Variants in SLC17A1 observed in about 807,000 individuals in gnomAD.
SLC17A1 encodes sodium-dependent phosphate transport protein 1.
In SLC17A1, 51 loss-of-function variants were observed where a neutral mutation model predicts 53.5. That is an observed-to-expected ratio of 0.95 (90% CI 0.76 to 1.20). The LOEUF is 1.20. Ranked by LOEUF, SLC17A1 falls within the 50% of genes most tolerant of loss-of-function variation. The pLI is 0.00. For missense variants in SLC17A1, 538 were observed against 568.2 expected, an observed-to-expected ratio of 0.95 and a Z score of 0.54; for synonymous variants, 179 against 198.8, an observed-to-expected ratio of 0.90 and a Z score of 0.84.
chr6:25,727,204 C>T, the SLC17A1 span: 4 of 1,614,160 alleles, frequency 2.5e-6, no homozygotes, highest in African/African-American at 2.7e-5. Flanking sequence ...ATTCAGACAG[C>T]AGTGCGCTTG....
chr6:25,809,656 TAGGA>T (rs1764082297), intron 10 of SLC17A1, among the ~76,000 whole-genome samples: 1 of 151,726 alleles, frequency 6.6e-6, no homozygotes, highest in African/African-American at 2.4e-5. Context: ...TGCTTATGGA[TAGGA>T]AGAATTAATG....
At chr6:25,773,843 A>T in the SLC17A1 span, among the ~76,000 whole-genome samples, 3 of 152,290 alleles carry the variant, frequency 2.0e-5, no homozygotes, top group Admixed American at 2.0e-4. Flanking sequence ...ATTGATCTCA[A>T]TGTGGTTCAC....
At chr6:25,757,092 T>A in the SLC17A1 span, among the ~76,000 whole-genome samples, 2 of 152,208 alleles carry the variant, frequency 1.3e-5, no homozygotes, top group Admixed American at 6.5e-5. Flanking sequence ...CAATTTTGAG[T>A]GTGTTTTCGA....
the SLC17A1 span, chr6:25,727,174 C>A: frequency 1.3e-5 from 21 of 1,614,044 alleles, no homozygotes; most frequent in Non-Finnish European, 1.8e-5. Context: ...AGCAAGCGCT[C>A]CACCATTTCT....
chr6:25,728,248 C>T, the SLC17A1 span, among the ~76,000 whole-genome samples: 1 of 152,136 alleles, frequency 6.6e-6, no homozygotes, highest in East Asian at 1.9e-4. Flanking sequence ...GGAGAACTCA[C>T]AAATCTGGTT....
intron 3 of SLC17A1, among the ~76,000 whole-genome samples, chr6:25,820,176 C>T (rs1433086885): frequency 1.3e-5 from 2 of 152,214 alleles, no homozygotes; most frequent in East Asian, 3.9e-4. Context: ...ACAGCATAGA[C>T]ATTTAATGCT....
rs1350210019 is a variant in SLC17A1, at chr6:25,811,769, T to C, written c.899A>G (p.Asn300Ser). ...ATAGGGAAGGGAAGACAAGAACCCA[T>C]TCTGAAGAGGAAACATTATTCTTGG... ...NSMLHVNIKE[N>S]GFLSSLPYLF... The change falls in exon 9 of 13, where the codon AAT becomes AGT. Residue 300 changes from asparagine (N) to serine (S), a missense_variant and splice_region_variant. Transcript: ENST00000244527. 3 of 1,613,496 alleles carry C rather than the reference T, an allele frequency of 1.9e-6. No homozygotes were observed. The highest frequency in any genetic ancestry group is 1.3e-5 in the African/African-American group (1 of 74,874).
the SLC17A1 span, among the ~76,000 whole-genome samples, chr6:25,745,514 T>A: frequency 6.6e-6 from 1 of 152,034 alleles, no homozygotes; most frequent in Non-Finnish European, 1.5e-5. Flanking sequence ...TAACATTTAC[T>A]TGGTCTTTGG....
At chr6:25,762,542 A>G in the SLC17A1 span, among the ~76,000 whole-genome samples, 6 of 152,136 alleles carry the variant, frequency 3.9e-5, no homozygotes, top group African/African-American at 1.2e-4. Context: ...AGAACATCTT[A>G]TTTTACCCTA....
the SLC17A1 span, chr6:25,773,791 G>C: frequency 9.9e-7 from 1 of 1,011,560 alleles, no homozygotes; most frequent in African/African-American, 1.6e-5. Flanking sequence ...GACCAGGCAG[G>C]ACCTCCATAT....
At chr6:25,777,844 T>C in the SLC17A1 span, 1 of 1,127,414 alleles carries the variant, frequency 8.9e-7, no homozygotes, top group South Asian at 1.3e-5. Context: ...TGCACAGGAA[T>C]ATTTGCCTCC....
intron 7 of SLC17A1, 45 bp downstream of exon 7, chr6:25,813,050 T>C (rs755865019): frequency 1.2e-6 from 2 of 1,612,308 alleles, no homozygotes; most frequent in Non-Finnish European, 1.7e-6. Flanking sequence ...ATGTTTAGTT[T>C]GGAGTAGAAT....
At chr6:25,755,369 G>A in the SLC17A1 span, among the ~76,000 whole-genome samples, 1 of 152,114 alleles carries the variant, frequency 6.6e-6, no homozygotes, top group African/African-American at 2.4e-5. Context: ...GACTTTATTT[G>A]CAAACTGTGA....
intron 12 of SLC17A1, among the ~76,000 whole-genome samples, chr6:25,795,865 T>G (rs1029578609): frequency 9.2e-5 from 14 of 152,162 alleles, no homozygotes; most frequent in Non-Finnish European, 1.8e-4. Flanking sequence ...AAATTTCAAA[T>G]TAAGATATAC....
the SLC17A1 span, among the ~76,000 whole-genome samples, chr6:25,742,579 G>A: frequency 1.3e-5 from 2 of 151,248 alleles, no homozygotes; most frequent in Admixed American, 1.3e-4. Context: ...GGGACTCCAA[G>A]GCTGGAAGAG....
the SLC17A1 span, among the ~76,000 whole-genome samples, chr6:25,758,240 T>G: frequency 6.6e-6 from 1 of 152,204 alleles, no homozygotes; most frequent in African/African-American, 2.4e-5. Context: ...ATAATTTGAC[T>G]TGAAGTGACG....
the SLC17A1 span, chr6:25,726,597 T>A: frequency 6.6e-7 from 1 of 1,519,220 alleles, no homozygotes; most frequent in African/African-American, 1.4e-5. Flanking sequence ...ATTTATAGTC[T>A]GACTGAGGTT....
the SLC17A1 span, chr6:25,726,304 T>C: frequency 1.2e-6 from 2 of 1,614,128 alleles, no homozygotes; most frequent in South Asian, 1.1e-5. Context: ...GCGAGTTTTT[T>C]TGTTATCGCG....
At chr6:25,752,155 C>T in the SLC17A1 span, among the ~76,000 whole-genome samples, 24 of 152,270 alleles carry the variant, frequency 1.6e-4, no homozygotes, top group East Asian at 5.8e-4. Flanking sequence ...ATGTGCTGTG[C>T]GGCAGTTTTG....
Sources: allele counts gnomAD v4.1 joint callset (sites outside exome capture counted in the v4.1 genomes callset), GRCh38; gene constraint gnomAD v4.1.1; transcripts MANE v1.5; gene names NCBI Gene and HGNC (gene_info 2026-07-23, HGNC 2026-07-21).